Variants in SCN11A observed in about 807,000 individuals in gnomAD.
SCN11A encodes sodium voltage-gated channel alpha subunit 11.
Under a neutral mutation model 162.2 loss-of-function variants are expected in SCN11A, and 122 were observed. The ratio of observed to expected loss-of-function variants is 0.75; its 90% confidence interval spans 0.65 to 0.87. The LOEUF is 0.87. Among genes scored for constraint, SCN11A ranks in the 40% least tolerant of loss-of-function variants. SCN11A has a pLI of 0.00. For missense variants in SCN11A, 2,015 were observed against 2,181.6 expected, an observed-to-expected ratio of 0.92 and a Z score of 1.52; for synonymous variants, 758 against 751.5, an observed-to-expected ratio of 1.01 and a Z score of -0.14.
chr3:38,884,076 C>T (rs2065354901), intron 21 of SCN11A, among the ~76,000 whole-genome samples: 1 of 152,112 alleles, frequency 6.6e-6, no homozygotes, highest in South Asian at 2.1e-4. Context: ...TCCCCTTGTA[C>T]AAATTCTGCT....
chr3:38,922,483 G>T (rs539664300), intron 9 of SCN11A, among the ~76,000 whole-genome samples: 4 of 152,308 alleles, frequency 2.6e-5, no homozygotes, highest in Non-Finnish European at 5.9e-5. Context: ...AAGCATCCAG[G>T]CATCTCAGTG....
chr3:38,944,620 C>T (rs971136139), intron 7 of SCN11A, among the ~76,000 whole-genome samples: 1 of 151,844 alleles, frequency 6.6e-6, no homozygotes, highest in Non-Finnish European at 1.5e-5. Context: ...GCCACCACGC[C>T]CAGCCTAGAA....
intron 8 of SCN11A, among the ~76,000 whole-genome samples, chr3:38,925,816 G>A (rs183973100): frequency 9.2e-5 from 14 of 152,334 alleles, no homozygotes; most frequent in Admixed American, 8.5e-4. Context: ...TATTTACTGA[G>A]TGGCTGACAA....
At position 38,963,417 on chromosome 3, in the gene SCN11A, T is replaced by C. The variant is rs2066758855; in HGVS notation, c.-279-2994A>G. Among the ~76,000 whole-genome samples, 8 of 46,946 alleles carry C rather than the reference T, an allele frequency of 1.7e-4. No homozygotes were observed. The South Asian group carries it at 5.3e-3, about 31-fold the overall frequency. 30.8% of individuals were successfully genotyped at this position (46,946 alleles called of 152,430 possible). On this transcript the variant is annotated intron_variant, in intron 2 of 29. Transcript: ENST00000302328. ...AGATATATATATATATATATATATA[T>C]GATGGAGATATATATATATATATAT...
chr3:38,943,211 CA>C (rs2066466216), intron 7 of SCN11A, among the ~76,000 whole-genome samples: 1 of 151,908 alleles, frequency 6.6e-6, no homozygotes, highest in Non-Finnish European at 1.5e-5. Flanking sequence ...AAACCAGATA[CA>C]AAAATATAGT....
At chr3:39,033,061 G>A (rs1054799990) in intron 1 of SCN11A, among the ~76,000 whole-genome samples, 2 of 152,070 alleles carry the variant, frequency 1.3e-5, no homozygotes, top group African/African-American at 4.8e-5. Flanking sequence ...GCTGAGGCAG[G>A]AGAATTGCTT....
intron 3 of SCN11A, among the ~76,000 whole-genome samples, chr3:38,959,705 C>A (rs982011710): frequency 6.6e-6 from 1 of 152,172 alleles, no homozygotes; most frequent in African/African-American, 2.4e-5. Context: ...TTTGGTGACA[C>A]ATAATCCATA....
At chr3:39,049,979 A>C (rs570088961) in intron 1 of SCN11A, among the ~76,000 whole-genome samples, 32 of 152,340 alleles carry the variant, frequency 2.1e-4, no homozygotes, top group South Asian at 6.2e-4. Flanking sequence ...CAGGACTACA[A>C]CATATCAATT....
chr3:39,048,555 T>C (rs1293809551), intron 1 of SCN11A, among the ~76,000 whole-genome samples: 1 of 152,220 alleles, frequency 6.6e-6, no homozygotes, highest in Non-Finnish European at 1.5e-5. Context: ...ACAGATTGTA[T>C]ACAGGTATCA....
Position 38,884,215 on chromosome 3 carries a change from C to T in SCN11A, c.3065-828G>A, listed in dbSNP as rs1377593132. Reference sequence around the variant, plus strand: ...GTAGGTTCATCTTCCTAAAAGACTACACTTTTTTCCTGGCTTTTATCCCAC... The same window carrying T: ...GTAGGTTCATCTTCCTAAAAGACTATACTTTTTTCCTGGCTTTTATCCCAC... On this transcript the variant is annotated intron_variant, in intron 21 of 29. Transcript: ENST00000302328. 2.0e-5 allele frequency among the ~76,000 whole-genome samples: 3 copies of T among 152,320 alleles called. No homozygotes were observed. In the East Asian group the frequency reaches 5.8e-4, roughly 29 times the overall value.
At chr3:39,046,949 G>A (rs1461085620) in intron 1 of SCN11A, among the ~76,000 whole-genome samples, 5 of 151,106 alleles carry the variant, frequency 3.3e-5, no homozygotes, top group African/African-American at 1.2e-4. Context: ...TTGAATTCCT[G>A]GGCTCAAGCG....
chr3:38,912,299 G>A (rs147999748), intron 11 of SCN11A, among the ~76,000 whole-genome samples: 88 of 151,916 alleles, frequency 5.8e-4, no homozygotes, highest in Middle Eastern at 3.4e-3. Context: ...AAGCCTCTCC[G>A]CCAGCATCCC....
intron 1 of SCN11A, among the ~76,000 whole-genome samples, chr3:39,035,565 G>T (rs2031882717): frequency 6.6e-6 from 1 of 152,084 alleles, no homozygotes; most frequent in Admixed American, 6.5e-5. Flanking sequence ...TCTTTTTTTA[G>T]AGATGGGATC....
chr3:38,879,484 A>T (rs1032259600), intron 23 of SCN11A, among the ~76,000 whole-genome samples: 2 of 152,202 alleles, frequency 1.3e-5, no homozygotes, highest in African/African-American at 4.8e-5. Context: ...TTAATTCAGA[A>T]CATTGTCATG....
chr3:38,972,856 T>G (rs1289601043), intron 2 of SCN11A, among the ~76,000 whole-genome samples: 1 of 152,182 alleles, frequency 6.6e-6, no homozygotes, highest in Non-Finnish European at 1.5e-5. Flanking sequence ...ATTTTATTAA[T>G]AATCCTGTGG....
At position 38,890,042 on chromosome 3, in the gene SCN11A, C is replaced by T. The variant is rs957556475; in HGVS notation, c.2836-3804G>A. ...TATCTCTTCCAACTCTGAGTTAAGG[C>T]CTCTAAATTTCTGGTGAGTGTGGCC... On this transcript the variant is annotated intron_variant, in intron 19 of 29. Transcript: ENST00000302328. Among the ~76,000 whole-genome samples the T allele has an allele frequency of 1.7e-3, 262 of 151,718 alleles. 2 individuals carry two copies. The highest frequency in any genetic ancestry group is 5.9e-3 in the African/African-American group (246 of 41,418).
At chr3:38,882,694 A>C (rs183814844) in intron 22 of SCN11A, among the ~76,000 whole-genome samples, 1 of 152,200 alleles carries the variant, frequency 6.6e-6, no homozygotes, top group African/African-American at 2.4e-5. Flanking sequence ...GTTATTTCTA[A>C]ATCTCATTGG....
intron 9 of SCN11A, 32 bp from the exon 10 acceptor site, chr3:38,921,287 C>T: frequency 6.2e-7 from 1 of 1,602,716 alleles, no homozygotes; most frequent in Non-Finnish European, 8.5e-7. Context: ...GGGAGAAGCC[C>T]ATCCCCCTCA....
At chr3:39,020,931 A>G (rs2031434224) in intron 2 of SCN11A, among the ~76,000 whole-genome samples, 2 of 152,178 alleles carry the variant, frequency 1.3e-5, no homozygotes, top group African/African-American at 2.4e-5. Context: ...TTTAGTAAGG[A>G]AAGACTTTAT....
Sources: allele counts gnomAD v4.1 joint callset (sites outside exome capture counted in the v4.1 genomes callset), GRCh38; gene constraint gnomAD v4.1.1; transcripts MANE v1.5; gene names NCBI Gene and HGNC (gene_info 2026-07-23, HGNC 2026-07-21).